Variants in IGSF22 observed in about 807,000 individuals in gnomAD.
IGSF22 encodes the protein immunoglobulin superfamily member 22, also known as immunoglobulin superfamily, member 22.
Under a neutral mutation model 127.0 loss-of-function variants are expected in IGSF22, and 119 were observed. The ratio of observed to expected loss-of-function variants is 0.94; its 90% CI spans 0.81 to 1.09. The LOEUF is 1.09. Ranked by LOEUF, IGSF22 falls within the 50% of genes least tolerant of loss-of-function variation. IGSF22 has a pLI of 0.00. For synonymous variants in IGSF22, 568 were observed against 664.7 expected, an observed-to-expected ratio of 0.85 and a Z score of 2.24; for missense variants, 1,518 against 1,716.6, an observed-to-expected ratio of 0.88 and a Z score of 2.04.
chr11:18,713,963 G>A lies in IGSF22; in HGVS notation c.1984C>T (p.Gln662Ter). The change falls in exon 14 of 23, where the codon CAG becomes TAG. Residue 662 changes from glutamine to a stop codon, truncating the protein, a stop_gained. Transcript: ENST00000513874. LOFTEE classifies it high-confidence loss of function. ...CAGTTGGAGATGGTGAGCAGTGCCT[G>A]GTCTTCCCCGCGCTCCATGGACACG... ...ERVSMERGEDQALLTISNCVR... is the reference protein window; with the variant it reads ...ERVSMERGED 1 of 1,614,240 alleles carries A rather than the reference G, an allele frequency of 6.2e-7. No individual in the cohort carries two copies. Among genetic ancestry groups the A allele is most frequent in the South Asian group, 1.1e-5 (1 of 91,082 alleles).
In IGSF22 at chr11:18,716,664, A is replaced by G. The variant is rs1272255844; in HGVS notation, c.1246+64T>C. 1.3e-6 allele frequency: 2 copies of G among 1,509,366 alleles called. No individual in the cohort carries two copies. 93.5% of individuals were successfully genotyped at this position (1,509,366 alleles called of 1,614,324 possible). On this transcript the variant is annotated intron_variant, in intron 10 of 22. Transcript: ENST00000513874. This position sits in a 1 kb window ranked among gnomAD's most constrained non-coding sequence, Gnocchi z 4.5. ...TGGATAGATGGATATATAAATGATG[A>G]CTACCTGCATGGAGGTTGCTGTGCC... is the stretch of plus-strand genomic sequence containing the variant.
Position 18,705,991 on chromosome 11 carries a change from G to A in IGSF22, c.3736C>T (p.Leu1246Phe), listed in dbSNP as rs574167515. Residue 1246 changes from leucine to phenylalanine, a missense_variant, in exon 22 of 23, where the codon CTC (leucine) becomes TTC (phenylalanine). Physicochemically the swap from Leu to Phe is conservative, Grantham distance 22. Transcript: ENST00000513874. ...GTGATGTTGACGTCGCCCTTGTAGA[G>A]GGTCACTGTGGGCCGCGGGTTCCCA... ...FLGNPRPTVTLYKGDVNITAN... is the reference protein window; with the variant it reads ...FLGNPRPTVTFYKGDVNITAN... The A allele has an allele frequency of 1.0e-5, 16 of 1,551,730 alleles. No individual in the cohort carries two copies. In the South Asian group the frequency reaches 1.9e-4, roughly 18 times the overall value.
At chr11:18,719,308 C>T (rs549473970) in intron 7 of IGSF22, among the ~76,000 whole-genome samples, 3 of 63,350 alleles carry the variant, frequency 4.7e-5, no homozygotes, top group Non-Finnish European at 8.8e-5. Context: ...CCACACCCAG[C>T]GGTTTTTTTT....
chr11:18,722,715 T>C (rs1359631975), intron 2 of IGSF22, among the ~76,000 whole-genome samples: 2 of 152,254 alleles, frequency 1.3e-5, no homozygotes, highest in African/African-American at 4.8e-5. Flanking sequence ...CATGGAACAC[T>C]TTCCTTGAGT....
intron 22 of IGSF22, chr11:18,704,786 CTCAATGAGGTAGCTTACTAAGG>C: frequency 2.2e-6 from 1 of 447,528 alleles, no homozygotes; most frequent in South Asian, 2.5e-5. Flanking sequence ...AGAAAACAGG[CTCAATGAGGTAGCTTACTAAGG>C]TCACATGGCT....
At chr11:18,717,237 T>C (rs10832973) in intron 9 of IGSF22, among the ~76,000 whole-genome samples, 72,411 of 152,070 alleles carry the variant, frequency 0.48, 18,056 homozygotes, top group Non-Finnish European at 0.54. Context: ...GTTTTAGATA[T>C]GTTCCAGGCA....
chr11:18,710,649 C>T lies in IGSF22; in HGVS notation c.2572+6G>A, dbSNP rs1282743239. ...CACTCCTGGGCCTCTGTTCCAAGGA[C>T]CTCACCCTGGATGGGGTCCTTGTTG... On this transcript the variant is annotated splice_donor_region_variant and intron_variant, in intron 16 of 22. Coordinates refer to ENST00000513874, the MANE Select transcript of IGSF22 (RefSeq NM_173588.4). 5 of 1,609,012 alleles carry T rather than the reference C, an allele frequency of 3.1e-6. No individual in the cohort carries two copies. The highest frequency in any genetic ancestry group is 1.7e-5 in the Admixed American group (1 of 59,932).
Position 18,724,272 on chromosome 11 carries a change from G to T in IGSF22, c.-33-3C>A. On this transcript the variant is annotated splice_region_variant and splice_polypyrimidine_tract_variant and intron_variant, in intron 1 of 22. Transcript: ENST00000513874. ...GGCGTGGGCACTCACCTGTGAGACTGGGGAAGAGGATGAGGCCATGAAGGA... is the reference window on the plus strand; with the variant it reads ...GGCGTGGGCACTCACCTGTGAGACTTGGGAAGAGGATGAGGCCATGAAGGA... 6.7e-7 allele frequency: 1 copy of T among 1,487,160 alleles called. No homozygotes were observed. The highest frequency in any genetic ancestry group is 9.4e-7 in the Non-Finnish European group (1 of 1,066,158). 92.1% of individuals were successfully genotyped at this position (1,487,160 alleles called of 1,614,324 possible). A position where few individuals can be genotyped will look rare whatever the true frequency, so the allele number is the denominator to read the frequency against.
chr11:18,704,974 A>C (rs923734402), intron 22 of IGSF22, among the ~76,000 whole-genome samples: 5 of 152,168 alleles, frequency 3.3e-5, no homozygotes, highest in African/African-American at 4.8e-5. Context: ...GCCTCTCTGG[A>C]GATATTGTCT....
At chr11:18,708,997 A>G (rs1186023158) in intron 18 of IGSF22, among the ~76,000 whole-genome samples, 4 of 152,184 alleles carry the variant, frequency 2.6e-5, no homozygotes, top group African/African-American at 9.7e-5. Flanking sequence ...CTGAGGCCCC[A>G]GTCAGAAGCA....
At chr11:18,722,827 G>GA (rs1848596963) in intron 2 of IGSF22, among the ~76,000 whole-genome samples, 1 of 152,156 alleles carries the variant, frequency 6.6e-6, no homozygotes, top group Non-Finnish European at 1.5e-5. Flanking sequence ...GACAGAGGGG[G>GA]AAAAGTGTGT....
At position 18,719,817 on chromosome 11, in the gene IGSF22, G is replaced by C. The variant is rs1166332133; in HGVS notation, c.595C>G (p.Pro199Ala). ...CACACCTTCTCAAAGTCTTTCTTGG[G>C]CACTTTGGACAAAATCTCCAGCATC... ...KEMLEILSKV[P>A]KKDFEKVCME... is the part of the protein sequence containing the mutation. Residue 199 changes from proline to alanine, a missense_variant, in exon 7 of 23, where the codon CCC becomes GCC. Transcript: ENST00000513874. 3 of 1,614,024 alleles carry C rather than the reference G, an allele frequency of 1.9e-6. No homozygotes were observed. Among genetic ancestry groups the C allele is most frequent in the Non-Finnish European group, 8.5e-7 (1 of 1,180,018 alleles).
chr11:18,710,547 T>C (rs1848333560), intron 16 of IGSF22, 92 bp from the exon 17 acceptor site: 1 of 1,588,792 alleles, frequency 6.3e-7, no homozygotes, highest in Non-Finnish European at 8.6e-7. Context: ...CATGGGATGT[T>C]GTTAAAACTT....
chr11:18,713,849 G>T lies in IGSF22; in HGVS notation c.2095+3C>A, dbSNP rs10741752. The T allele has an allele frequency of 0.75, 1,209,960 of 1,607,588 alleles. 457,290 individuals are homozygous for T. Among genetic ancestry groups the T allele is most frequent in the East Asian group, 0.82 (36,687 of 44,774 alleles). ...GCCCAGCCCGGACTGGCCCTGCCCT[G>T]ACCCAGCACACTAAGGTGCAGAGTG... On this transcript the variant is annotated splice_donor_region_variant and intron_variant, in intron 14 of 22. Coordinates refer to ENST00000513874, the MANE Select transcript of IGSF22 (RefSeq NM_173588.4).
chr11:18,706,227 C>T (rs528269837), intron 21 of IGSF22, 81 bp from the exon 22 acceptor site: 7 of 1,330,744 alleles, frequency 5.3e-6, no homozygotes, highest in South Asian at 1.5e-5. Context: ...TCAGCTTACA[C>T]GGAACCCCGA....
intron 15 of IGSF22, among the ~76,000 whole-genome samples, chr11:18,711,600 G>A (rs1442057574): frequency 6.6e-6 from 1 of 152,130 alleles, no homozygotes; most frequent in Non-Finnish European, 1.5e-5. Context: ...GTTTCACCAT[G>A]TTGGCCAGGC....
At chr11:18,711,947 T>C in intron 15 of IGSF22, 135 bp downstream of exon 15, 1 of 746,548 alleles carries the variant, frequency 1.3e-6, no homozygotes, top group Non-Finnish European at 2.2e-6. Flanking sequence ...GTTTTTACTC[T>C]GGAATCGGTC....
Position 18,718,007 on chromosome 11 carries a change from G to C in IGSF22, c.897C>G (p.Asn299Lys), listed in dbSNP as rs765005361. The change falls in exon 9 of 23, where the codon AAC becomes AAG. Residue 299 changes from asparagine to lysine, a missense_variant. Asn to Lys is a moderately conservative substitution (Grantham distance 94, BLOSUM62 0). Transcript: ENST00000513874. ...MGTKYMLVIS[N>K]VNMNDAGIYS... ...AGATGCCAGCATCGTTCATGTTCAC[G>C]TTGCTAATAACCAGCATGTACTTGG... 1 of 1,614,182 alleles carries C rather than the reference G, an allele frequency of 6.2e-7. No homozygotes were observed. The highest frequency in any genetic ancestry group is 8.5e-7 in the Non-Finnish European group (1 of 1,180,036).
Position 18,718,725 on chromosome 11 carries a change from T to C in IGSF22, c.700A>G (p.Ile234Val). The C allele has an allele frequency of 6.3e-7, 1 of 1,598,334 alleles. No individual in the cohort carries two copies. Among genetic ancestry groups the C allele is most frequent in the South Asian group, 1.1e-5 (1 of 90,682 alleles). The change falls in exon 8 of 23, where the codon ATC becomes GTC. Residue 234 changes from isoleucine to valine, a missense_variant. Around this residue, in one of 3 missense-constraint regions of IGSF22, gnomAD observed 1,456 missense variants for 1,644.9 expected, o/e 0.89. Coordinates refer to ENST00000513874, the MANE Select transcript of IGSF22 (RefSeq NM_173588.4). ...EMKKKVEVEA[I>V]RILKPLEDKE... ...TCTTCCAGGGGCTTCAGAATCCGGATGGCCTGAGAGATTATGATAATAAAA... is the reference window on the plus strand; with the variant it reads ...TCTTCCAGGGGCTTCAGAATCCGGACGGCCTGAGAGATTATGATAATAAAA...
Sources: allele counts gnomAD v4.1 joint callset (sites outside exome capture counted in the v4.1 genomes callset), GRCh38; gene constraint gnomAD v4.1.1; regional missense constraint gnomAD v4.1.1; non-coding constraint Gnocchi (gnomAD v3.1); transcripts MANE v1.5; gene names NCBI Gene and HGNC (gene_info 2026-07-23, HGNC 2026-07-21).